The following PDE1C variants were observed in gnomAD, a reference collection of about 807,000 sequenced individuals.
The protein encoded by PDE1C is dual specificity calcium/calmodulin-dependent 3',5'-cyclic nucleotide phosphodiesterase 1C.
In PDE1C, 62 loss-of-function variants were observed where a neutral mutation model predicts 93.1. The observed-to-expected ratio is 0.67, with a 90% CI of 0.54 to 0.82. PDE1C has a LOEUF of 0.82. Among genes scored for constraint, PDE1C ranks in the 40% least tolerant of loss-of-function variants. PDE1C has a pLI of 0.00. For synonymous variants in PDE1C, 325 were observed against 310.1 expected, an observed-to-expected ratio of 1.05 and a Z score of -0.50; for missense variants, 742 against 884.6, an observed-to-expected ratio of 0.84 and a Z score of 2.04.
At chr7:32,171,559 AAAATT>A (rs1181577414) in intron 2 of PDE1C, among the ~76,000 whole-genome samples, 2 of 149,808 alleles carry the variant, frequency 1.3e-5, no homozygotes, top group Non-Finnish European at 3.0e-5. Context: ...TTATTTTAAC[AAAATT>A]AAATTATTAA....
rs1256294265 is a variant in PDE1C at position 31,751,656 on chromosome 7, A to G, written c.*1728T>C. 1 of 152,212 alleles carries G rather than the reference A, an allele frequency of 6.6e-6. No individual in the cohort carries two copies. Among genetic ancestry groups the G allele is most frequent in the African/African-American group, 2.4e-5 (1 of 41,454 alleles). 9.4% of individuals were successfully genotyped at this position (152,212 alleles called of 1,614,324 possible). On this transcript the variant is annotated 3_prime_UTR_variant, in exon 18 of 18. Coordinates refer to ENST00000396191, the MANE Select transcript of PDE1C (RefSeq NM_001191057.4). ...CTTCTAACCCAGACACCAGGCAGGG[A>G]GCAAAGAATTGCAATCGCCTCCTTA...
intron 17 of PDE1C, among the ~76,000 whole-genome samples, chr7:31,770,387 T>C (rs1388240192): frequency 6.6e-6 from 1 of 152,220 alleles, no homozygotes; most frequent in Non-Finnish European, 1.5e-5. Context: ...GCACAAAAGT[T>C]TTTTATTTTA....
chr7:31,636,725 T>A, the PDE1C span, among the ~76,000 whole-genome samples: 312 of 111,590 alleles, frequency 2.8e-3, 2 homozygotes, highest in Middle Eastern at 4.5e-3. Flanking sequence ...CTTTTTTTTT[T>A]AAAAATTTTA....
chr7:31,642,258 G>C, the PDE1C span: 2 of 1,547,208 alleles, frequency 1.3e-6, no homozygotes, highest in Non-Finnish European at 1.7e-6. Flanking sequence ...TGCCCCTCCA[G>C]GTAGGAGGGT....
intron 2 of PDE1C, among the ~76,000 whole-genome samples, chr7:31,993,531 C>G (rs1334152156): frequency 7.2e-5 from 11 of 152,050 alleles, no homozygotes. Context: ...TGAATAGCCT[C>G]TATAAGTCTA....
intron 1 of PDE1C, among the ~76,000 whole-genome samples, chr7:32,068,846 A>G (rs1795700790): frequency 6.6e-6 from 1 of 152,158 alleles, no homozygotes; most frequent in African/African-American, 2.4e-5. Flanking sequence ...ACGCTTTCAC[A>G]TTATACACTT....
At chr7:31,980,982 C>T (rs1054052207) in intron 2 of PDE1C, among the ~76,000 whole-genome samples, 1 of 152,148 alleles carries the variant, frequency 6.6e-6, no homozygotes, top group African/African-American at 2.4e-5. Context: ...CTCAATCACA[C>T]ATGCAAAGTC....
chr7:31,952,208 C>T (rs1437315566), intron 2 of PDE1C, among the ~76,000 whole-genome samples: 1 of 152,086 alleles, frequency 6.6e-6, no homozygotes, highest in Non-Finnish European at 1.5e-5. Flanking sequence ...TATAAATTCC[C>T]TACCCTTCTT....
chr7:32,296,614 AG>A (rs1409194770), intron 1 of PDE1C, among the ~76,000 whole-genome samples: 1 of 152,218 alleles, frequency 6.6e-6, no homozygotes, highest in African/African-American at 2.4e-5. Context: ...CCAATCTGCT[AG>A]ACCAACTCTT....
At chr7:32,377,253 A>G (rs1466618396) in intron 1 of PDE1C, among the ~76,000 whole-genome samples, 3 of 152,166 alleles carry the variant, frequency 2.0e-5, no homozygotes, top group Non-Finnish European at 4.4e-5. Context: ...AGAGTTCAGG[A>G]AACCTGATTA....
rs549366878 is a variant in PDE1C, at chr7:32,373,151, C to T, written c.310+54671G>A. 5.3e-5 allele frequency among the ~76,000 whole-genome samples: 8 copies of T among 152,254 alleles called. No homozygotes were observed. The South Asian group carries it at 1.7e-3, about 32-fold the overall frequency. ...GTGAAAACATACACCCATGCAAAAA[C>T]TTGTACATGAATGTTCACAGCAGCA... On this transcript the variant is annotated intron_variant, in intron 1 of 1. Coordinates refer to the PDE1C transcript ENST00000672256.
rs369785043 is a variant in PDE1C, at chr7:32,144,990, T to C, written c.308+24795A>G. ...TAAAGAGTAAAACAAAAAGTATAAA[T>C]TATTCACAGACTTCTGCTCCCTAAT... On this transcript the variant is annotated intron_variant, in intron 3 of 18. Transcript: ENST00000396193. 7.2e-5 allele frequency among the ~76,000 whole-genome samples: 11 copies of C among 152,310 alleles called. 3 individuals are homozygous for C.
At chr7:31,983,825 A>G (rs1284193638) in intron 2 of PDE1C, among the ~76,000 whole-genome samples, 1 of 152,162 alleles carries the variant, frequency 6.6e-6, no homozygotes, top group Non-Finnish European at 1.5e-5. Context: ...AAAAAGTATT[A>G]AGAATTTCAA....
chr7:31,968,290 TCA>T (rs1032572778), intron 2 of PDE1C, among the ~76,000 whole-genome samples: 2 of 152,096 alleles, frequency 1.3e-5, no homozygotes, highest in Non-Finnish European at 2.9e-5. Flanking sequence ...TGTGCAAAAA[TCA>T]CAAGCATTCT....
chr7:31,898,282 A>G (rs888249745), intron 2 of PDE1C, among the ~76,000 whole-genome samples: 5 of 152,124 alleles, frequency 3.3e-5, no homozygotes, highest in African/African-American at 1.2e-4. Flanking sequence ...AGAAAATAAA[A>G]TCACATAAAA....
chr7:31,998,072 TG>T (rs1784967556), intron 2 of PDE1C, among the ~76,000 whole-genome samples: 1 of 152,126 alleles, frequency 6.6e-6, no homozygotes, highest in Non-Finnish European at 1.5e-5. Context: ...CAGGCTGGAA[TG>T]CAGTGGCGCA....
At chr7:31,803,819 C>A (rs1786418152) in intron 16 of PDE1C, among the ~76,000 whole-genome samples, 1 of 151,918 alleles carries the variant, frequency 6.6e-6, no homozygotes, top group Admixed American at 6.6e-5. Context: ...TAGGTTGGTT[C>A]CAAGTCTTTG....
intron 1 of PDE1C, among the ~76,000 whole-genome samples, chr7:32,357,160 G>A (rs1015910935): frequency 6.6e-6 from 1 of 152,032 alleles, no homozygotes; most frequent in Non-Finnish European, 1.5e-5. Flanking sequence ...GTGAAACCCC[G>A]TCTCTAATAA....
chr7:32,391,061 A>G (rs1333847421), intron 1 of PDE1C, among the ~76,000 whole-genome samples: 3 of 152,182 alleles, frequency 2.0e-5, no homozygotes, highest in African/African-American at 7.2e-5. Flanking sequence ...AAATATGAAT[A>G]CATTAGATAC....
Sources: allele counts gnomAD v4.1 joint callset (sites outside exome capture counted in the v4.1 genomes callset), GRCh38; gene constraint gnomAD v4.1.1; transcripts MANE v1.5; gene names NCBI Gene and HGNC (gene_info 2026-07-23, HGNC 2026-07-21).